TRIM2: variants seen among roughly 807,000 people sequenced by gnomAD.
TRIM2 encodes tripartite motif-containing protein 2.
Under a neutral mutation model 75.2 loss-of-function variants are expected in TRIM2, and 20 were observed. That is an observed-to-expected ratio of 0.27 (90% CI 0.19 to 0.39). The LOEUF is 0.39. Among genes scored for constraint, TRIM2 ranks in the 10% least tolerant of loss-of-function variants. The pLI, the probability that TRIM2 is intolerant of heterozygous loss-of-function variation, is 1.00. For missense variants in TRIM2, 660 were observed against 990.8 expected (o/e 0.67, Z 4.48); for synonymous variants, 373 against 388.3 (o/e 0.96, Z 0.46).
intron 1 of TRIM2, among the ~76,000 whole-genome samples, chr4:153,185,282 A>G (rs1297741874): frequency 6.6e-6 from 1 of 152,172 alleles, no homozygotes; most frequent in African/African-American, 2.4e-5. Context: ...AGATCGCCCA[A>G]TAAGTGTTAG....
At chr4:153,324,311 C>A (rs1193782019) in intron 10 of TRIM2, 163 bp downstream of exon 10, 1 of 497,620 alleles carries the variant, frequency 2.0e-6, no homozygotes, top group Non-Finnish European at 3.4e-6. Context: ...GACTTACAGA[C>A]CTTGGAAAGT....
intron 3 of TRIM2, among the ~76,000 whole-genome samples, chr4:153,292,212 A>G (rs911074041): frequency 6.6e-6 from 1 of 152,224 alleles, no homozygotes; most frequent in African/African-American, 2.4e-5. Context: ...TGCTATCACA[A>G]TGGACTCAAT....
intron 1 of TRIM2, among the ~76,000 whole-genome samples, chr4:153,183,954 G>C (rs962031611): frequency 2.0e-5 from 3 of 152,148 alleles, no homozygotes; most frequent in African/African-American, 7.2e-5. Flanking sequence ...GGGAAATTAA[G>C]GTAATATTGC....
intron 6 of TRIM2, among the ~76,000 whole-genome samples, chr4:153,296,747 CA>C (rs1762857092): frequency 1.3e-5 from 2 of 152,206 alleles, no homozygotes; most frequent in Admixed American, 1.3e-4. Flanking sequence ...TCTATGTTCT[CA>C]GTAGAAAGCA....
At chr4:153,326,482 G>T (rs940712851) in intron 10 of TRIM2, among the ~76,000 whole-genome samples, 3 of 152,180 alleles carry the variant, frequency 2.0e-5, no homozygotes, top group African/African-American at 2.4e-5. Context: ...CTGAATTCAG[G>T]TCACTTCTCT....
intron 1 of TRIM2, among the ~76,000 whole-genome samples, chr4:153,225,670 G>A (rs1473241148): frequency 1.3e-5 from 2 of 152,112 alleles, no homozygotes; most frequent in African/African-American, 4.8e-5. Flanking sequence ...GAGATAAATA[G>A]GTAGAGAGGA....
At chr4:153,160,589 ATGTT>A (rs764210678) in intron 1 of TRIM2, among the ~76,000 whole-genome samples, 7 of 151,494 alleles carry the variant, frequency 4.6e-5, no homozygotes, top group Non-Finnish European at 7.4e-5. Context: ...GCTTCAAGGG[ATGTT>A]TGTTTGTTTG....
At chr4:153,322,360 G>A (rs376847822) in intron 8 of TRIM2, among the ~76,000 whole-genome samples, 34 of 152,294 alleles carry the variant, frequency 2.2e-4, no homozygotes, top group African/African-American at 7.2e-4. Flanking sequence ...GCAGTGAGCC[G>A]AGATTGCACC....
intron 1 of TRIM2, among the ~76,000 whole-genome samples, chr4:153,192,617 AAAAAG>A (rs1733320605): frequency 6.6e-6 from 1 of 151,960 alleles, no homozygotes; most frequent in Admixed American, 6.6e-5. Flanking sequence ...AAAAAAAAAA[AAAAAG>A]AAAGTTAAAA....
chr4:153,153,795 C>T (rs1262431992), intron 1 of TRIM2, among the ~76,000 whole-genome samples: 2 of 152,170 alleles, frequency 1.3e-5, no homozygotes, highest in Non-Finnish European at 2.9e-5. Context: ...GGAGGGGGCG[C>T]GTCTGGGTTT....
upstream of TRIM2, among the ~76,000 whole-genome samples, chr4:153,200,817 T>C (rs531166445): frequency 1.2e-4 from 18 of 149,770 alleles, no homozygotes; most frequent in East Asian, 2.9e-3. Context: ...TTCCTTATTA[T>C]TGTTATTATT....
chr4:153,303,458 G>A (rs1764357495), intron 6 of TRIM2, among the ~76,000 whole-genome samples: 1 of 149,462 alleles, frequency 6.7e-6, no homozygotes, highest in Non-Finnish European at 1.5e-5. Flanking sequence ...GGGTGACAGA[G>A]TGAGACTCCA....
At chr4:153,197,098 A>G (rs1442433722) in intron 1 of TRIM2, among the ~76,000 whole-genome samples, 1 of 152,212 alleles carries the variant, frequency 6.6e-6, no homozygotes, top group Non-Finnish European at 1.5e-5. Flanking sequence ...CATCTTCTTC[A>G]CTGTCTGACT....
At chr4:153,329,731 G>A (rs1024723806) in intron 11 of TRIM2, among the ~76,000 whole-genome samples, 17 of 151,976 alleles carry the variant, frequency 1.1e-4, no homozygotes, top group African/African-American at 3.6e-4. Flanking sequence ...CAGCTACTCA[G>A]GAGGCTGAAG....
chr4:153,158,980 G>C (rs1729488511), intron 1 of TRIM2, among the ~76,000 whole-genome samples: 1 of 152,202 alleles, frequency 6.6e-6, no homozygotes, highest in Non-Finnish European at 1.5e-5. Flanking sequence ...GTGTGACCTT[G>C]AGCAATTTGC....
intron 11 of TRIM2, among the ~76,000 whole-genome samples, chr4:153,333,635 T>C (rs1276054548): frequency 6.6e-6 from 1 of 152,166 alleles, no homozygotes; most frequent in East Asian, 1.9e-4. Context: ...GAAAGTGATT[T>C]CACATCCAAA....
intron 2 of TRIM2, among the ~76,000 whole-genome samples, chr4:153,271,905 T>C (rs1756770504): frequency 1.3e-5 from 2 of 152,182 alleles, no homozygotes; most frequent in Non-Finnish European, 2.9e-5. Flanking sequence ...CAGTATTCAG[T>C]GTCCAGCCTA....
chr4:153,287,780 T>A (rs1760987088), intron 3 of TRIM2, among the ~76,000 whole-genome samples: 1 of 152,246 alleles, frequency 6.6e-6, no homozygotes, highest in Admixed American at 6.5e-5. Context: ...TTATGCAGTT[T>A]TATTTTATGT....
chr4:153,211,821 C>G (rs1016269283), intron 1 of TRIM2, among the ~76,000 whole-genome samples: 4 of 151,990 alleles, frequency 2.6e-5, no homozygotes, highest in African/African-American at 7.3e-5. Context: ...TGAATCTCTG[C>G]TTGGATTTGT....
Sources: gnomAD v4.1 joint callset for allele counts (sites outside exome capture counted in the v4.1 genomes callset) on GRCh38, gnomAD v4.1.1 for gene constraint, MANE v1.5 for transcripts, NCBI Gene and HGNC (gene_info 2026-07-23, HGNC 2026-07-21) for gene names.